The following NPAS3 variants were observed in gnomAD, a reference collection of about 807,000 sequenced individuals.
NPAS3 encodes neuronal PAS domain-containing protein 3.
Under a neutral mutation model 73.1 loss-of-function variants are expected in NPAS3, and 14 were observed. The observed-to-expected ratio is 0.19, with a 90% confidence interval of 0.13 to 0.30. The LOEUF (loss-of-function observed/expected upper bound fraction) is 0.30. Among genes scored for constraint, NPAS3 ranks in the 10% least tolerant of loss-of-function variants. The pLI is 1.00. For missense variants in NPAS3, 1,096 were observed against 1,250.0 expected, an observed-to-expected ratio of 0.88 and a Z score of 1.86; for synonymous variants, 620 against 541.5, an observed-to-expected ratio of 1.14 and a Z score of -2.01.
intron 4 of NPAS3, among the ~76,000 whole-genome samples, chr14:33,432,273 T>C (rs1762864238): frequency 6.6e-6 from 1 of 152,194 alleles, no homozygotes; most frequent in Admixed American, 6.5e-5. Context: ...TTTAGTAAAA[T>C]GTTCCTGTGC....
intron 5 of NPAS3, among the ~76,000 whole-genome samples, chr14:33,579,428 A>G (rs12432617): frequency 2.6e-5 from 4 of 152,202 alleles, no homozygotes; most frequent in Admixed American, 2.6e-4. Flanking sequence ...GACAGATTTC[A>G]TATTTCAGTT....
intron 1 of NPAS3, among the ~76,000 whole-genome samples, chr14:32,947,193 T>C (rs1281156123): frequency 6.6e-6 from 1 of 152,166 alleles, no homozygotes. Context: ...TAAGTGTGAA[T>C]ATAGCTATAA....
chr14:33,676,262 G>A (rs764345479), exon 6 of NPAS3: 5 of 1,613,914 alleles, frequency 3.1e-6, no homozygotes, highest in East Asian at 2.2e-5. Flanking sequence ...CGGAGATCAC[G>A]TGGAGATGGC....
intron 4 of NPAS3, among the ~76,000 whole-genome samples, chr14:33,530,399 G>A (rs1256614530): frequency 6.6e-6 from 1 of 152,148 alleles, no homozygotes; most frequent in Non-Finnish European, 1.5e-5. Context: ...GGGCATTGAA[G>A]CAATTAGCAT....
chr14:33,782,823 T>TAAAA (rs199704146), intron 9 of NPAS3, among the ~76,000 whole-genome samples: 1 of 148,602 alleles, frequency 6.7e-6, no homozygotes, highest in Non-Finnish European at 1.5e-5. Flanking sequence ...TGTTTTTTTT[T>TAAAA]AAAAAAAAGA....
chr14:33,094,334 A>G (rs1286240665), intron 2 of NPAS3, among the ~76,000 whole-genome samples: 1 of 152,180 alleles, frequency 6.6e-6, no homozygotes, highest in East Asian at 1.9e-4. Context: ...TCAATTTATT[A>G]TCTTTAAAAA....
At chr14:33,565,427 ACTTG>A (rs2139785156) in intron 5 of NPAS3, among the ~76,000 whole-genome samples, 1 of 152,366 alleles carries the variant, frequency 6.6e-6, no homozygotes, top group African/African-American at 2.4e-5. Flanking sequence ...TCCCCTGATA[ACTTG>A]GCCGAGGGCC....
At chr14:33,360,909 A>G (rs1461409205) in intron 3 of NPAS3, among the ~76,000 whole-genome samples, 3 of 152,038 alleles carry the variant, frequency 2.0e-5, no homozygotes, top group Non-Finnish European at 4.4e-5. Flanking sequence ...CGAGACGTTG[A>G]CTGTCAGACG....
At chr14:33,503,970 C>CTTATCTAGACGTTATG (rs1410506988) in intron 4 of NPAS3, among the ~76,000 whole-genome samples, 1 of 151,984 alleles carries the variant, frequency 6.6e-6, no homozygotes, top group African/African-American at 2.4e-5. Context: ...GTACAACAAC[C>CTTATCTAGACGTTATG]TTATCTAGAC....
intron 2 of NPAS3, among the ~76,000 whole-genome samples, chr14:33,164,539 T>TA (rs927385939): frequency 6.0e-4 from 91 of 151,516 alleles, no homozygotes; most frequent in African/African-American, 1.6e-3. Flanking sequence ...ATGAACAACT[T>TA]AAAAAAAAAC....
intron 4 of NPAS3, among the ~76,000 whole-genome samples, chr14:33,541,521 A>G (rs897804834): frequency 2.0e-5 from 3 of 152,200 alleles, no homozygotes; most frequent in Non-Finnish European, 4.4e-5. Flanking sequence ...CACTGCCCAC[A>G]GGTTACACTT....
At chr14:33,000,858 G>A (rs1252420872) in intron 1 of NPAS3, among the ~76,000 whole-genome samples, 1 of 152,026 alleles carries the variant, frequency 6.6e-6, no homozygotes, top group Admixed American at 6.6e-5. Context: ...GGCCAGGAAG[G>A]ACAAGGATTA....
chr14:33,086,349 T>C (rs1322868707), intron 2 of NPAS3, among the ~76,000 whole-genome samples: 4 of 152,184 alleles, frequency 2.6e-5, no homozygotes, highest in Non-Finnish European at 5.9e-5. Context: ...TTATTTTCCA[T>C]ATATTCTTCT....
At chr14:32,942,389 C>T (rs1315891771) in intron 1 of NPAS3, among the ~76,000 whole-genome samples, 1 of 152,142 alleles carries the variant, frequency 6.6e-6, no homozygotes, top group Non-Finnish European at 1.5e-5. Flanking sequence ...AAAATAAGCT[C>T]GTTCTTGATA....
At chr14:33,626,742 A>C (rs1172668958) in intron 5 of NPAS3, among the ~76,000 whole-genome samples, 1 of 152,190 alleles carries the variant, frequency 6.6e-6, no homozygotes, top group Admixed American at 6.6e-5. Flanking sequence ...TTTATATTCC[A>C]GTGGAGGGAG....
intron 5 of NPAS3, among the ~76,000 whole-genome samples, chr14:33,628,170 A>T (rs1287636241): frequency 1.3e-5 from 2 of 152,202 alleles, no homozygotes; most frequent in Non-Finnish European, 1.5e-5. Context: ...TCTCAATAAG[A>T]TTTCTTATTA....
intron 3 of NPAS3, among the ~76,000 whole-genome samples, chr14:33,270,185 C>A (rs935211556): frequency 6.6e-6 from 1 of 152,128 alleles, no homozygotes; most frequent in African/African-American, 2.4e-5. Flanking sequence ...CCTAGTATAG[C>A]CTCCCAGACA....
At chr14:33,441,178 C>T (rs2049230566) in intron 4 of NPAS3, among the ~76,000 whole-genome samples, 2 of 152,164 alleles carry the variant, frequency 1.3e-5, no homozygotes, top group Non-Finnish European at 1.5e-5. Context: ...TCACTTTTAA[C>T]ACTGTTAATT....
At chr14:33,557,726 T>G (rs2055424735) in intron 4 of NPAS3, among the ~76,000 whole-genome samples, 1 of 152,202 alleles carries the variant, frequency 6.6e-6, no homozygotes, top group Admixed American at 6.5e-5. Flanking sequence ...TCCCAGCACT[T>G]TGGGAGGCCG....
Sources: gnomAD v4.1 joint callset for allele counts (sites outside exome capture counted in the v4.1 genomes callset) on GRCh38, gnomAD v4.1.1 for gene constraint, MANE v1.5 for transcripts, NCBI Gene and HGNC (gene_info 2026-07-23, HGNC 2026-07-21) for gene names.